PPAT: variants seen among roughly 807,000 people sequenced by gnomAD.
PPAT encodes phosphoribosyl pyrophosphate amidotransferase.
In PPAT, 20 loss-of-function variants were observed where a neutral mutation model predicts 60.2. The ratio of observed to expected loss-of-function variants is 0.33; its 90% CI spans 0.23 to 0.48. PPAT has a LOEUF of 0.48. Ranked by LOEUF, PPAT falls within the 20% of genes least tolerant of loss-of-function variation. The pLI, the probability that PPAT is intolerant of heterozygous loss-of-function variation, is 0.99. For synonymous variants in PPAT, 194 were observed against 215.1 expected (o/e 0.90, Z 0.86); for missense variants, 349 against 629.6 (o/e 0.55, Z 4.77).
intron 5 of PPAT, among the ~76,000 whole-genome samples, chr4:56,402,689 G>T (rs546000003): frequency 6.6e-6 from 1 of 151,720 alleles, no homozygotes; most frequent in Admixed American, 6.6e-5. Context: ...GGTGGTGTGC[G>T]CCTGTAATCC....
rs1560636259 is a variant in PPAT at position 56,396,583 on chromosome 4, TTAA to T, written c.1357+33_1357+35del. 2 of 1,562,678 alleles carry T rather than the reference TTAA, an allele frequency of 1.3e-6. No homozygotes were observed. The highest frequency in any genetic ancestry group is 2.7e-5 in the African/African-American group (2 of 73,278). On this transcript the variant is annotated intron_variant, in intron 10 of 10. Transcript: ENST00000264220. The surrounding 1 kb of genome is among the most constrained non-coding windows in gnomAD (Gnocchi z 4.6). ...ACTGTCAAGCTTTGGATTTTCTCTGTTAATAATCAAAGTTTATAGAAATTTTAA... is the reference window on the plus strand; with the variant it reads ...ACTGTCAAGCTTTGGATTTTCTCTGTTAATCAAAGTTTATAGAAATTTTAA...
intron 1 of PPAT, chr4:56,431,576 GAAAATGTT>G (rs1235108038): frequency 2.1e-6 from 2 of 930,734 alleles, no homozygotes; most frequent in African/African-American, 3.6e-5. Flanking sequence ...TTAGAAGTAT[GAAAATGTT>G]TGTCATTGTA....
intron 1 of PPAT, among the ~76,000 whole-genome samples, chr4:56,431,160 T>A (rs1717564778): frequency 6.6e-6 from 1 of 152,204 alleles, no homozygotes; most frequent in South Asian, 2.1e-4. Flanking sequence ...AGGTTATAGA[T>A]TATGGGAGTA....
intron 1 of PPAT, among the ~76,000 whole-genome samples, chr4:56,415,377 TA>T (rs1346949863): frequency 6.6e-6 from 1 of 152,240 alleles, no homozygotes; most frequent in African/African-American, 2.4e-5. Flanking sequence ...AAAAATCATG[TA>T]AACTGCATTC....
At chr4:56,403,900 G>A (rs1021417808) in intron 3 of PPAT, 4 of 310,008 alleles carry the variant, frequency 1.3e-5, no homozygotes, top group African/African-American at 8.6e-5. Flanking sequence ...TGCTGCTGCT[G>A]ATCTGGACAG....
chr4:56,410,431 G>T (rs574606111), intron 1 of PPAT: 3 of 698,200 alleles, frequency 4.3e-6, no homozygotes, highest in Non-Finnish European at 5.3e-6. Flanking sequence ...CAGCTCTTCG[G>T]AGCTTATTGA....
intron 1 of PPAT, among the ~76,000 whole-genome samples, chr4:56,430,090 C>T (rs1717502722): frequency 6.6e-6 from 1 of 152,088 alleles, no homozygotes; most frequent in Non-Finnish European, 1.5e-5. Flanking sequence ...GTGAAACCCC[C>T]CATCTCAATA....
At position 56,407,668 on chromosome 4, in the gene PPAT, T is replaced by G; in HGVS notation, c.177A>C (p.Pro59=). 1 of 1,604,926 alleles carries G rather than the reference T, an allele frequency of 6.2e-7. No individual in the cohort carries two copies. The highest frequency in any genetic ancestry group is 2.2e-5 in the East Asian group (1 of 44,870). The change falls in exon 2 of 11, where the codon CCA becomes CCC. Residue 59 remains proline, a synonymous_variant. Transcript: ENST00000264220. Reference sequence around the variant, plus strand: ...AATTTACCTTGTGTGATTTGAATGTTGGCACCGAACTCCCATCACTAGTCA... The same window carrying G: ...AATTTACCTTGTGTGATTTGAATGTGGGCACCGAACTCCCATCACTAGTCA... The part of the protein sequence containing the change: ...GIVTSDGSSV[P]TFKSHKGMGL...
chr4:56,397,602 A>C (rs1352814368), intron 9 of PPAT, among the ~76,000 whole-genome samples: 3 of 152,202 alleles, frequency 2.0e-5, no homozygotes, highest in Admixed American at 2.0e-4. Flanking sequence ...TGTAAATGGC[A>C]TCTCACTTCT....
At chr4:56,416,144 A>T (rs1296229389) in intron 1 of PPAT, among the ~76,000 whole-genome samples, 2 of 152,144 alleles carry the variant, frequency 1.3e-5, no homozygotes, top group Non-Finnish European at 2.9e-5. Flanking sequence ...TTATCAAACA[A>T]TTCTAGCAGA....
chr4:56,406,700 C>G lies in PPAT; in HGVS notation c.197G>C (p.Gly66Ala). ...AAAGACGTGATTTACAAGACCCATT[C>G]CCTTGAGAAATCAAAAAGTGCAACT... is the stretch of plus-strand genomic sequence containing the variant. ...SSVPTFKSHK[G>A]MGLVNHVFTE... Residue 66 changes from glycine to alanine, a missense_variant and splice_region_variant, in exon 3 of 11, where the codon GGA becomes GCA. Gly to Ala is a moderately conservative substitution (Grantham distance 60). Coordinates refer to ENST00000264220, the MANE Select transcript of PPAT (RefSeq NM_002703.5). 2.5e-6 allele frequency: 4 copies of G among 1,604,096 alleles called. No homozygotes were observed. The highest frequency in any genetic ancestry group is 3.4e-6 in the Non-Finnish European group (4 of 1,171,702).
At chr4:56,421,833 A>AT (rs1456983134) in intron 1 of PPAT, 1 of 99,944 alleles carries the variant, frequency 1.0e-5, no homozygotes, top group Non-Finnish European at 2.1e-5. Flanking sequence ...TGATTCCATT[A>AT]GTTATGTCAG....
At chr4:56,410,674 C>G (rs1017262593) in intron 1 of PPAT, 1 of 986,204 alleles carries the variant, frequency 1.0e-6, no homozygotes. Flanking sequence ...TAGGAGTATA[C>G]AGAGACTGGA....
At position 56,394,130 on chromosome 4, in the gene PPAT, G is replaced by A. The variant is rs930892304; in HGVS notation, c.*1222C>T. On this transcript the variant is annotated 3_prime_UTR_variant, in exon 11 of 11. Coordinates refer to ENST00000264220, the MANE Select transcript of PPAT (RefSeq NM_002703.5). ...TACATAAACAAAGGTTTGGGGTCAA[G>A]TCATCTTAAACTTCTAATCTCAGAT... 4 of 152,076 alleles carry A rather than the reference G, an allele frequency of 2.6e-5. No homozygotes were observed. The highest frequency in any genetic ancestry group is 5.9e-5 in the Non-Finnish European group (4 of 68,014). The allele number at this position is 152,076 out of a possible 1,614,324, so 9.4% of individuals were successfully genotyped here.
chr4:56,432,417 A>G, intron 1 of PPAT, among the ~76,000 whole-genome samples: 1 of 151,118 alleles, frequency 6.6e-6, no homozygotes, highest in Non-Finnish European at 1.5e-5. Flanking sequence ...AATCCCAGCT[A>G]CTCGGGAGAC....
intron 1 of PPAT, among the ~76,000 whole-genome samples, chr4:56,418,685 C>G (rs148847610): frequency 6.6e-6 from 1 of 152,004 alleles, no homozygotes; most frequent in Non-Finnish European, 1.5e-5. Context: ...ACACAAAGAC[C>G]AAAGTTAATG....
chr4:56,435,573 G>C lies in PPAT; in HGVS notation c.-96C>G. On this transcript the variant is annotated 5_prime_UTR_variant, in exon 1 of 11. Transcript: ENST00000264220. ...CGGCCCGTCGAGCTCAGAAGCTCGCGCTCGCGACAGGCTCTTCCTTCCCGA... is the reference window on the plus strand; with the variant it reads ...CGGCCCGTCGAGCTCAGAAGCTCGCCCTCGCGACAGGCTCTTCCTTCCCGA... 6.3e-7 allele frequency: 1 copy of C among 1,586,524 alleles called. No homozygotes were observed. The highest frequency in any genetic ancestry group is 8.6e-7 in the Non-Finnish European group (1 of 1,163,378).
Position 56,401,317 on chromosome 4 carries a change from G to T in PPAT, c.886+13C>A. 6.5e-7 allele frequency: 1 copy of T among 1,549,828 alleles called. No individual in the cohort carries two copies. Among genetic ancestry groups the T allele is most frequent in the Non-Finnish European group, 8.7e-7 (1 of 1,149,390 alleles). On this transcript the variant is annotated intron_variant, in intron 7 of 10. Coordinates refer to ENST00000264220, the MANE Select transcript of PPAT (RefSeq NM_002703.5). ...CATTTATATGAATGTTCAAAGAAAAGAAATCTACTTACCTTCGAACATACT... is the reference window on the plus strand; with the variant it reads ...CATTTATATGAATGTTCAAAGAAAATAAATCTACTTACCTTCGAACATACT...
At chr4:56,432,717 G>A (rs1185244607) in intron 1 of PPAT, among the ~76,000 whole-genome samples, 2 of 150,644 alleles carry the variant, frequency 1.3e-5, no homozygotes, top group Non-Finnish European at 3.0e-5. Flanking sequence ...CCCGGGAGGC[G>A]GAGCTTGCAG....
Sources: allele counts gnomAD v4.1 joint callset (sites outside exome capture counted in the v4.1 genomes callset), GRCh38; gene constraint gnomAD v4.1.1; non-coding constraint Gnocchi (gnomAD v3.1); transcripts MANE v1.5; gene names NCBI Gene and HGNC (gene_info 2026-07-23, HGNC 2026-07-21).